The following EXOC6B variants were observed in gnomAD, a reference collection of about 807,000 sequenced individuals.
EXOC6B encodes the protein SEC15 homolog B.
A neutral mutation model predicts 113.5 loss-of-function variants in EXOC6B; 54 were observed. That is an observed-to-expected ratio of 0.48 (90% CI 0.38 to 0.60). The LOEUF (loss-of-function observed/expected upper bound fraction) is 0.60. Among genes scored for constraint, EXOC6B ranks in the 20% least tolerant of loss-of-function variants. The pLI, the probability that EXOC6B is intolerant of heterozygous loss-of-function variation, is 0.00. For missense variants in EXOC6B, 797 were observed against 977.5 expected, an observed-to-expected ratio of 0.82 and a Z score of 2.46; for synonymous variants, 357 against 339.0, an observed-to-expected ratio of 1.05 and a Z score of -0.58.
intron 8 of EXOC6B, among the ~76,000 whole-genome samples, chr2:72,558,756 C>A (rs746688570): frequency 1.6e-4 from 24 of 150,412 alleles, no homozygotes; most frequent in Non-Finnish European, 3.4e-4. Context: ...GCAACAAGAG[C>A]AAAACTCTGT....
rs1033862291 is a variant in EXOC6B, at chr2:72,249,531, G to A, written c.2197-65344C>T. Among the ~76,000 whole-genome samples the A allele has an allele frequency of 2.0e-5, 3 of 151,998 alleles. 1 individual carries two copies. Among genetic ancestry groups the A allele is most frequent in the Admixed American group, 6.5e-5 (1 of 15,284 alleles). On this transcript the variant is annotated intron_variant, in intron 20 of 21. Coordinates refer to ENST00000272427, the MANE Select transcript of EXOC6B (RefSeq NM_015189.3). ...AAAAAAGGAGGTAAACAGTTTCTTG[G>A]CACTGAATTCTAGGAAAGAAATTTT...
At chr2:72,395,628 G>A (rs1426693211) in intron 18 of EXOC6B, among the ~76,000 whole-genome samples, 1 of 152,104 alleles carries the variant, frequency 6.6e-6, no homozygotes. Flanking sequence ...ATGGGAAATG[G>A]TAGTAAAAAC....
At chr2:72,562,613 A>T (rs746026039) in intron 7 of EXOC6B, among the ~76,000 whole-genome samples, 3 of 152,232 alleles carry the variant, frequency 2.0e-5, no homozygotes, top group Middle Eastern at 3.4e-3. Flanking sequence ...TTCCTTTCCA[A>T]AGAAAATAAC....
Position 72,379,829 on chromosome 2 carries a change from A to C in EXOC6B, c.2022T>G (p.His674Gln). 1 of 1,613,060 alleles carries C rather than the reference A, an allele frequency of 6.2e-7. No individual in the cohort carries two copies. Among genetic ancestry groups the C allele is most frequent in the Non-Finnish European group, 8.5e-7 (1 of 1,179,486 alleles). The change falls in exon 19 of 22, where the codon CAT becomes CAG. Residue 674 changes from histidine (H) to glutamine (Q), a missense_variant. Transcript: ENST00000272427. ...AAAGTTGCATCAAGGATGTGGCTAA[A>C]TGCTTGCAAGCTGACATACACGCTG... ...AQTACMSACK[H>Q]LATSLMQLLL...
chr2:72,205,434 G>A (rs188448516), intron 20 of EXOC6B, among the ~76,000 whole-genome samples: 2 of 151,510 alleles, frequency 1.3e-5, no homozygotes, highest in East Asian at 1.9e-4. Context: ...GCCAAGATAC[G>A]CCTGCAAAAG....
At chr2:72,668,116 G>A (rs1163236917) in intron 6 of EXOC6B, among the ~76,000 whole-genome samples, 5 of 152,050 alleles carry the variant, frequency 3.3e-5, no homozygotes, top group African/African-American at 1.2e-4. Context: ...TGAAACAATG[G>A]TCACCACCAC....
At chr2:72,205,032 C>A (rs566710174) in intron 20 of EXOC6B, among the ~76,000 whole-genome samples, 1 of 152,284 alleles carries the variant, frequency 6.6e-6, no homozygotes, top group East Asian at 1.9e-4. Context: ...AGATGAAACA[C>A]AAACCTGCTC....
chr2:72,382,878 G>C (rs1691775619), intron 18 of EXOC6B, among the ~76,000 whole-genome samples: 1 of 152,054 alleles, frequency 6.6e-6, no homozygotes, highest in South Asian at 2.1e-4. Flanking sequence ...CATTGATTTT[G>C]TGTCCTGAAA....
At chr2:72,708,605 T>C (rs1679044480) in intron 6 of EXOC6B, among the ~76,000 whole-genome samples, 1 of 152,208 alleles carries the variant, frequency 6.6e-6, no homozygotes, top group African/African-American at 2.4e-5. Context: ...AAGAGTAGTA[T>C]AAAGGAATTT....
chr2:72,267,429 C>T (rs1328460079), intron 20 of EXOC6B, among the ~76,000 whole-genome samples: 4 of 152,232 alleles, frequency 2.6e-5, no homozygotes, highest in South Asian at 2.1e-4. Flanking sequence ...GAGATACATC[C>T]CATCAATACC....
At chr2:72,580,677 T>A (rs1241479630) in intron 6 of EXOC6B, among the ~76,000 whole-genome samples, 1 of 152,148 alleles carries the variant, frequency 6.6e-6, no homozygotes, top group Non-Finnish European at 1.5e-5. Context: ...CATCACATAA[T>A]ATAACCTGAC....
rs150911749 is a variant in EXOC6B at position 72,353,687 on chromosome 2, T to C, written c.2123-18667A>G. Among the ~76,000 whole-genome samples the C allele has an allele frequency of 6.6e-3, 1,005 of 152,098 alleles. 17 individuals carry two copies. The highest frequency in any genetic ancestry group is 0.023 in the African/African-American group (969 of 41,492). Reference sequence around the variant, plus strand: ...CCATGCCCAGGTGTAATGAAAACTTTAAATAATTGTTTCTTAAAATTTCTA... The same window carrying C: ...CCATGCCCAGGTGTAATGAAAACTTCAAATAATTGTTTCTTAAAATTTCTA... On this transcript the variant is annotated intron_variant, in intron 19 of 21. Transcript: ENST00000272427.
chr2:72,805,874 C>A (rs538523724), intron 1 of EXOC6B, among the ~76,000 whole-genome samples: 2 of 152,220 alleles, frequency 1.3e-5, no homozygotes, highest in Admixed American at 1.3e-4. Context: ...TAAGTGAGAT[C>A]ATGTAGTATT....
intron 6 of EXOC6B, among the ~76,000 whole-genome samples, chr2:72,663,629 G>A (rs1296769845): frequency 1.3e-5 from 2 of 151,912 alleles, no homozygotes; most frequent in Non-Finnish European, 1.5e-5. Flanking sequence ...GATTCCAAAT[G>A]TATTACATTT....
intron 6 of EXOC6B, among the ~76,000 whole-genome samples, chr2:72,612,567 G>T (rs1671142002): frequency 6.6e-6 from 1 of 152,142 alleles, no homozygotes. Context: ...CTTCAAAAGG[G>T]GAAAGACAAC....
chr2:72,374,038 T>C (rs1436972435), intron 19 of EXOC6B, among the ~76,000 whole-genome samples: 1 of 152,060 alleles, frequency 6.6e-6, no homozygotes, highest in Non-Finnish European at 1.5e-5. Flanking sequence ...TGCCACTGTA[T>C]AGCCTGCGCC....
At chr2:72,763,428 C>CTTTTTTTTTT (rs869206848) in intron 1 of EXOC6B, among the ~76,000 whole-genome samples, 3 of 141,228 alleles carry the variant, frequency 2.1e-5, no homozygotes, top group Non-Finnish European at 3.1e-5. Flanking sequence ...CGTGTTTTTT[C>CTTTTTTTTTT]TTTTTTTTTT....
chr2:72,382,547 A>C (rs1305782935), intron 18 of EXOC6B, among the ~76,000 whole-genome samples: 2 of 152,050 alleles, frequency 1.3e-5, no homozygotes, highest in African/African-American at 4.8e-5. Context: ...ATTTTTAAAT[A>C]GTTTAGTTCT....
intron 20 of EXOC6B, among the ~76,000 whole-genome samples, chr2:72,310,892 G>A (rs1420993666): frequency 5.4e-5 from 7 of 128,944 alleles, no homozygotes; most frequent in African/African-American, 2.0e-4. Context: ...CACACACAGA[G>A]CTAGTATTAA....
Sources: gnomAD v4.1 joint callset for allele counts (sites outside exome capture counted in the v4.1 genomes callset) on GRCh38, gnomAD v4.1.1 for gene constraint, MANE v1.5 for transcripts, NCBI Gene and HGNC (gene_info 2026-07-23, HGNC 2026-07-21) for gene names.